The following RYR2 variants were observed in gnomAD, a reference collection of about 807,000 sequenced individuals.
RYR2 encodes ryanodine receptor 2.
Under a neutral mutation model 601.1 loss-of-function variants are expected in RYR2, and 227 were observed. That is an observed-to-expected ratio of 0.38 (90% CI 0.34 to 0.42). The LOEUF (loss-of-function observed/expected upper bound fraction) is 0.42. Ranked by LOEUF, RYR2 falls within the 10% of genes least tolerant of loss-of-function variation. RYR2 has a pLI of 1.00. For synonymous variants in RYR2, 2,223 were observed against 2,175.1 expected (o/e 1.02, Z -0.61); for missense variants, 4,646 against 6,156.5 (o/e 0.75, Z 8.21).
intron 24 of RYR2, among the ~76,000 whole-genome samples, chr1:237,522,743 G>A (rs2147872470): frequency 6.6e-6 from 1 of 152,310 alleles, no homozygotes; most frequent in African/African-American, 2.4e-5. Context: ...CCTACAGGGT[G>A]CCTCACATTT....
chr1:237,453,201 A>C (rs569702894), intron 14 of RYR2, among the ~76,000 whole-genome samples: 1 of 152,220 alleles, frequency 6.6e-6, no homozygotes, highest in African/African-American at 2.4e-5. Context: ...TTTTGGGCAC[A>C]GAAAAACTTA....
At chr1:237,493,479 G>T (rs1481796352) in intron 19 of RYR2, among the ~76,000 whole-genome samples, 1 of 151,968 alleles carries the variant, frequency 6.6e-6, no homozygotes, top group African/African-American at 2.4e-5. Flanking sequence ...TTAAGACAGA[G>T]TCTCGCTCTG....
rs1265078651 is a variant in RYR2 at position 237,742,635 on chromosome 1, G to A, written c.11145+286G>A. On this transcript the variant is annotated intron_variant, in intron 80 of 104. Transcript: ENST00000366574. ...TTCAAATTGGTCTCATCTCAGCGAT[G>A]TGGTCTGGAATTTCCAACAGACGTG... is the stretch of plus-strand genomic sequence containing the variant. 2.6e-5 allele frequency among the ~76,000 whole-genome samples: 4 copies of A among 152,150 alleles called. 1 individual carries two copies. The East Asian group carries it at 7.7e-4, about 29-fold the overall frequency.
intron 100 of RYR2, among the ~76,000 whole-genome samples, chr1:237,812,083 C>T (rs952494246): frequency 3.3e-5 from 5 of 152,118 alleles, no homozygotes; most frequent in African/African-American, 1.2e-4. Context: ...TCAGTAGTCT[C>T]CTACCAACTT....
At chr1:237,094,649 AC>A (rs1169343715) in intron 1 of RYR2, among the ~76,000 whole-genome samples, 1 of 152,118 alleles carries the variant, frequency 6.6e-6, no homozygotes, top group Non-Finnish European at 1.5e-5. Flanking sequence ...ATCTCGGCCC[AC>A]TGCAAACTCC....
At chr1:237,736,954 G>A (rs1262927708) in intron 79 of RYR2, among the ~76,000 whole-genome samples, 1 of 152,150 alleles carries the variant, frequency 6.6e-6, no homozygotes, top group Non-Finnish European at 1.5e-5. Context: ...TATGTTGCTA[G>A]GAGGTGGCTT....
chr1:237,243,585 A>G (rs1336214810), intron 1 of RYR2, among the ~76,000 whole-genome samples: 1 of 152,092 alleles, frequency 6.6e-6, no homozygotes, highest in Non-Finnish European at 1.5e-5. Flanking sequence ...TTGGGTTTTT[A>G]TGGAAGCTTC....
intron 32 of RYR2, 61 bp downstream of exon 32, chr1:237,591,914 C>T: frequency 9.4e-7 from 1 of 1,063,656 alleles, no homozygotes; most frequent in Non-Finnish European, 1.4e-6. Flanking sequence ...TTTACATCTC[C>T]AGTAATACAT....
chr1:237,662,680 T>G (rs1361842576), intron 56 of RYR2, among the ~76,000 whole-genome samples: 2 of 152,218 alleles, frequency 1.3e-5, no homozygotes, highest in Non-Finnish European at 2.9e-5. Context: ...GTTCTAATAG[T>G]AAGCCCTTAA....
chr1:237,822,548 A>G (rs1662629182), intron 101 of RYR2, among the ~76,000 whole-genome samples: 1 of 152,240 alleles, frequency 6.6e-6, no homozygotes, highest in Admixed American at 6.5e-5. Context: ...ATGAAAAGGA[A>G]CAACCGGTAC....
chr1:237,566,421 G>T, intron 27 of RYR2, 146 bp from the exon 28 acceptor site: 1 of 835,564 alleles, frequency 1.2e-6, no homozygotes, highest in Non-Finnish European at 1.8e-6. Context: ...AAATGGGAAA[G>T]AAGATAAGAA....
chr1:237,556,563 C>T (rs1670909250), intron 27 of RYR2, among the ~76,000 whole-genome samples: 1 of 151,282 alleles, frequency 6.6e-6, no homozygotes, highest in Non-Finnish European at 1.5e-5. Flanking sequence ...CCCACCTTGG[C>T]CTCCCAAAGT....
chr1:237,125,802 A>T (rs112833336), intron 1 of RYR2, among the ~76,000 whole-genome samples: 4 of 152,248 alleles, frequency 2.6e-5, no homozygotes, highest in African/African-American at 9.6e-5. Flanking sequence ...TGTTACTTAT[A>T]AATGAAAATA....
chr1:237,754,933 GCCT>G, intron 80 of RYR2: 1 of 400,224 alleles, frequency 2.5e-6, no homozygotes, highest in Non-Finnish European at 4.3e-6. Context: ...AAGCAAAGCT[GCCT>G]CTTTTTTTTT....
chr1:237,423,557 A>G (rs1705804220), intron 12 of RYR2, among the ~76,000 whole-genome samples: 1 of 152,226 alleles, frequency 6.6e-6, no homozygotes, highest in Non-Finnish European at 1.5e-5. Flanking sequence ...AATATAAAAC[A>G]TGAAAATACC....
At chr1:237,802,270 T>C (rs1660065159) in intron 98 of RYR2, 2 of 166,026 alleles carry the variant, frequency 1.2e-5, no homozygotes, top group African/African-American at 4.8e-5. Context: ...ATTTAGGTTT[T>C]CCCCAAATTA....
At chr1:237,059,349 GAGA>G (rs1018423559) in intron 1 of RYR2, among the ~76,000 whole-genome samples, 1 of 152,126 alleles carries the variant, frequency 6.6e-6, no homozygotes, top group Non-Finnish European at 1.5e-5. Flanking sequence ...ATAAATCAAG[GAGA>G]AGGACTTGCA....
intron 3 of RYR2, among the ~76,000 whole-genome samples, chr1:237,337,116 G>T (rs560860875): frequency 4.1e-4 from 62 of 152,014 alleles, no homozygotes; most frequent in African/African-American, 1.5e-3. Context: ...GCCAGACGTG[G>T]TGACACGTGC....
chr1:237,184,680 G>A (rs1368329683), intron 1 of RYR2, among the ~76,000 whole-genome samples: 1 of 152,012 alleles, frequency 6.6e-6, no homozygotes. Flanking sequence ...ACTTATGAAC[G>A]GTCTAGGAGG....
Sources: gnomAD v4.1 joint callset for allele counts (sites outside exome capture counted in the v4.1 genomes callset) on GRCh38, gnomAD v4.1.1 for gene constraint, MANE v1.5 for transcripts, NCBI Gene and HGNC (gene_info 2026-07-23, HGNC 2026-07-21) for gene names.